BRPF3: variants seen among roughly 807,000 people sequenced by gnomAD.
The protein encoded by BRPF3 is bromodomain and PHD finger containing 3.
BRPF3 carries 18 observed loss-of-function variants against 102.0 expected under a neutral mutation model. That is an observed-to-expected ratio of 0.18 (90% CI 0.12 to 0.26). BRPF3 has a LOEUF of 0.26. BRPF3 is among the 10% of genes least tolerant of loss of function. The pLI is 1.00. For missense variants in BRPF3, 1,147 were observed against 1,567.8 expected, an observed-to-expected ratio of 0.73 and a Z score of 4.53; for synonymous variants, 570 against 614.2, an observed-to-expected ratio of 0.93 and a Z score of 1.06.
In BRPF3 at chr6:36,210,104, GT is replaced by G; in HGVS notation, c.1867-110del. 1 of 1,457,930 alleles carries G rather than the reference GT, an allele frequency of 6.9e-7. No individual in the cohort carries two copies. The highest frequency in any genetic ancestry group is 9.5e-7 in the Non-Finnish European group (1 of 1,052,334). 90.3% of individuals were successfully genotyped at this position (1,457,930 alleles called of 1,614,324 possible). On this transcript the variant is annotated intron_variant, in intron 5 of 12. Coordinates refer to ENST00000357641, the MANE Select transcript of BRPF3 (RefSeq NM_015695.3). This position sits in a 1 kb window ranked among gnomAD's most constrained non-coding sequence, Gnocchi z 4.7. ...GTGGGCCAGGACTGTAGGTCTTTGA[GT>G]TAGCCTGGCATGGCCAAATCAGAAA...
At chr6:36,206,622 T>C (rs774625617) in intron 3 of BRPF3, among the ~76,000 whole-genome samples, 17 of 152,186 alleles carry the variant, frequency 1.1e-4, no homozygotes, top group Non-Finnish European at 2.1e-4. Flanking sequence ...TTTCATCCCT[T>C]TGGTTCCAGA....
chr6:36,229,476 G>A (rs989845829), intron 12 of BRPF3, among the ~76,000 whole-genome samples: 1 of 152,240 alleles, frequency 6.6e-6, no homozygotes, highest in Non-Finnish European at 1.5e-5. Flanking sequence ...AGGGAGGGGT[G>A]TGGCCTGGGC....
intron 8 of BRPF3, among the ~76,000 whole-genome samples, chr6:36,215,099 C>G (rs1768279794): frequency 6.6e-6 from 1 of 151,864 alleles, no homozygotes; most frequent in Admixed American, 6.6e-5. Flanking sequence ...GGTTCCATCA[C>G]TAAAGAGAGG....
At chr6:36,228,879 C>T in intron 11 of BRPF3, 23 bp from the exon 12 acceptor site, 1 of 1,613,274 alleles carries the variant, frequency 6.2e-7, no homozygotes, top group Non-Finnish European at 8.5e-7. Flanking sequence ...TCACTGAGTG[C>T]CCATCTTCTA....
intron 9 of BRPF3, among the ~76,000 whole-genome samples, chr6:36,221,281 C>CTTTTTT (rs35018880): frequency 4.4e-4 from 34 of 76,716 alleles, no homozygotes; most frequent in East Asian, 6.5e-4. Context: ...AATTGGTCTA[C>CTTTTTT]TTTTTTTTTT....
chr6:36,209,395 A>G lies in BRPF3; in HGVS notation c.1738-392A>G, dbSNP rs559335421. On this transcript the variant is annotated intron_variant, in intron 4 of 12. Transcript: ENST00000357641. ...ACTTAGTTTCCTCTAGTTTCCTCCT[A>G]GTTCCTTAGTTACTTGGTTTCCTCT... is the stretch of plus-strand genomic sequence containing the variant. Among the ~76,000 whole-genome samples, 47 of 152,244 alleles carry G rather than the reference A, an allele frequency of 3.1e-4. No homozygotes were observed. In the South Asian group the frequency reaches 7.7e-3, roughly 25 times the overall value.
chr6:36,229,874 C>T (rs1768875973), intron 12 of BRPF3, among the ~76,000 whole-genome samples: 1 of 152,188 alleles, frequency 6.6e-6, no homozygotes, highest in African/African-American at 2.4e-5. Context: ...GAAGTTGAGG[C>T]TCAGAAAGTC....
intron 12 of BRPF3, among the ~76,000 whole-genome samples, chr6:36,229,439 A>G (rs1768857789): frequency 6.6e-6 from 1 of 152,324 alleles, no homozygotes; most frequent in South Asian, 2.1e-4. Context: ...GCCCTGTGCC[A>G]ACTAGTTATT....
Position 36,214,478 on chromosome 6 carries a change from A to G in BRPF3, c.2989+92A>G. ...ACCTTCCCCAATTGGCCATCTCTCTAATGGCACCATTGGACAGCAATAGTA... is the reference window on the plus strand; with the variant it reads ...ACCTTCCCCAATTGGCCATCTCTCTGATGGCACCATTGGACAGCAATAGTA... On this transcript the variant is annotated intron_variant, in intron 8 of 12. Transcript: ENST00000357641. 2.1e-6 allele frequency: 3 copies of G among 1,407,616 alleles called. No individual in the cohort carries two copies. The East Asian group carries it at 7.3e-5, about 34-fold the overall frequency. 87.2% of individuals were successfully genotyped at this position (1,407,616 alleles called of 1,614,324 possible). A position where few individuals can be genotyped will look rare whatever the true frequency, so the allele number is the denominator to read the frequency against.
At chr6:36,229,082 C>G in intron 12 of BRPF3, 26 bp downstream of exon 12, 1 of 1,609,626 alleles carries the variant, frequency 6.2e-7, no homozygotes, top group Non-Finnish European at 8.5e-7. Context: ...TGTGAGGGGG[C>G]TGAGGGGCAC....
intron 4 of BRPF3, 87 bp from the exon 5 acceptor site, chr6:36,209,700 T>A: frequency 6.6e-7 from 1 of 1,511,514 alleles, no homozygotes; most frequent in Non-Finnish European, 8.9e-7. Context: ...TTGTACAAGA[T>A]TGGTAAAAGT....
intron 12 of BRPF3, 62 bp downstream of exon 12, chr6:36,229,118 G>A: frequency 6.4e-7 from 1 of 1,574,632 alleles, no homozygotes; most frequent in Middle Eastern, 2.0e-4. Context: ...CAGTGGTGCT[G>A]TGCTAGTGAG....
intron 1 of BRPF3, chr6:36,197,204 C>G (rs1436678907): frequency 6.5e-6 from 1 of 152,710 alleles, no homozygotes; most frequent in Non-Finnish European, 1.5e-5. Flanking sequence ...GTCTCCCCCC[C>G]CAGCCCTGGA....
intron 10 of BRPF3, 111 bp from the exon 11 acceptor site, chr6:36,225,156 G>A: frequency 1.3e-6 from 1 of 760,498 alleles, no homozygotes. Flanking sequence ...TGGAGGGGAT[G>A]TTGTGACTCA....
At chr6:36,217,235 A>G (rs1768360759) in intron 8 of BRPF3, among the ~76,000 whole-genome samples, 1 of 152,208 alleles carries the variant, frequency 6.6e-6, no homozygotes. Flanking sequence ...AGAGACCTCA[A>G]AGCAAGAGAA....
chr6:36,197,216 T>G (rs1172792051), intron 1 of BRPF3: 2 of 151,120 alleles, frequency 1.3e-5, no homozygotes, highest in African/African-American at 4.9e-5. Context: ...AGCCCTGGAT[T>G]CCGAGCCGCT....
intron 10 of BRPF3, among the ~76,000 whole-genome samples, chr6:36,224,934 T>C (rs1768679592): frequency 6.6e-6 from 1 of 152,198 alleles, no homozygotes; most frequent in African/African-American, 2.4e-5. Context: ...GTCCAAAAAA[T>C]AAAGTTTTAT....
At position 36,214,786 on chromosome 6, in the gene BRPF3, G is replaced by A. The variant is rs148881614; in HGVS notation, c.2989+400G>A. Reference sequence around the variant, plus strand: ...GGGGGAATATATTAAAAGCAAATGAGTAAACCGTATCTTGTATTAGAAGAT... The same window carrying A: ...GGGGGAATATATTAAAAGCAAATGAATAAACCGTATCTTGTATTAGAAGAT... On this transcript the variant is annotated intron_variant, in intron 8 of 12. Coordinates refer to ENST00000357641, the MANE Select transcript of BRPF3 (RefSeq NM_015695.3). Among the ~76,000 whole-genome samples the A allele has an allele frequency of 5.6e-3, 847 of 152,284 alleles. 13 individuals are homozygous for A. Among genetic ancestry groups the A allele is most frequent in the Non-Finnish European group, 5.5e-3 (372 of 68,028 alleles).
In BRPF3 at chr6:36,207,462, G is replaced by T. The variant is rs767588388; in HGVS notation, c.1737+18G>T. The T allele has an allele frequency of 6.2e-7, 1 of 1,612,756 alleles. No individual in the cohort carries two copies. Among genetic ancestry groups the T allele is most frequent in the Non-Finnish European group, 8.5e-7 (1 of 1,179,296 alleles). ...GAGAGCAGGTAAGGAGGAGCCCCCA[G>T]CCCTAGGGCCCTAGTTCAAGGCCAC... On this transcript the variant is annotated intron_variant, in intron 4 of 12. Coordinates refer to ENST00000357641, the MANE Select transcript of BRPF3 (RefSeq NM_015695.3).
Sources: gnomAD v4.1 joint callset for allele counts (sites outside exome capture counted in the v4.1 genomes callset) on GRCh38, gnomAD v4.1.1 for gene constraint, Gnocchi (gnomAD v3.1) non-coding constraint, MANE v1.5 for transcripts, NCBI Gene and HGNC (gene_info 2026-07-23, HGNC 2026-07-21) for gene names.